The following ATP13A3 variants were observed in gnomAD, a reference collection of about 807,000 sequenced individuals.
ATP13A3 encodes the protein polyamine-transporting ATPase 13A3.
In ATP13A3, 59 loss-of-function variants were observed where a neutral mutation model predicts 158.1. The ratio of observed to expected loss-of-function variants is 0.37; its 90% confidence interval spans 0.30 to 0.46. ATP13A3 has a LOEUF of 0.46. Among genes scored for constraint, ATP13A3 ranks in the 20% least tolerant of loss-of-function variants. ATP13A3 has a pLI of 1.00. For synonymous variants in ATP13A3, 491 were observed against 504.3 expected, an observed-to-expected ratio of 0.97 and a Z score of 0.35; for missense variants, 1,166 against 1,525.2, an observed-to-expected ratio of 0.76 and a Z score of 3.92.
intron 30 of ATP13A3, among the ~76,000 whole-genome samples, chr3:194,423,762 AC>A (rs1716558944): frequency 6.6e-6 from 1 of 152,190 alleles, no homozygotes. Context: ...AATTTCTTAA[AC>A]CTTTTTTAAT....
Position 194,486,783 on chromosome 3 carries a change from T to TCTC in ATP13A3, c.-309_-307dup, listed in dbSNP as rs886246342. The TCTC allele has an allele frequency of 6.0e-5, 9 of 149,666 alleles. No homozygotes were observed. The highest frequency in any genetic ancestry group is 2.2e-4 in the African/African-American group (9 of 40,740). 9.3% of individuals were successfully genotyped at this position (149,666 alleles called of 1,614,324 possible). ...CGGGCCGGCCCTGGGACGTCCGCGC[T>TCTC]CTCCTCCTCCTCCGCGCCCGCGGCG... On this transcript the variant is annotated 5_prime_UTR_variant, in exon 1 of 34. Coordinates refer to ENST00000645319, the MANE Select transcript of ATP13A3 (RefSeq NM_001367549.1).
At chr3:194,421,132 A>AGTT (rs1250700453) in intron 30 of ATP13A3, among the ~76,000 whole-genome samples, 1 of 16,148 alleles carries the variant, frequency 6.2e-5, no homozygotes, top group African/African-American at 5.0e-4. Flanking sequence ...ATATATATAT[A>AGTT]TATAGTATAT....
chr3:194,428,313 GCTC>G (rs1716967291), intron 28 of ATP13A3, among the ~76,000 whole-genome samples: 3 of 151,750 alleles, frequency 2.0e-5, no homozygotes, highest in Admixed American at 6.6e-5. Context: ...TGAAAATCCT[GCTC>G]CTCATCAAAC....
intron 2 of ATP13A3, among the ~76,000 whole-genome samples, chr3:194,473,055 G>A (rs529117469): frequency 6.6e-6 from 1 of 152,264 alleles, no homozygotes; most frequent in East Asian, 1.9e-4. Context: ...TTACTACCTG[G>A]TTGATGGGAT....
At chr3:194,461,196 T>C (rs1372297719) in intron 3 of ATP13A3, among the ~76,000 whole-genome samples, 1 of 152,190 alleles carries the variant, frequency 6.6e-6, no homozygotes, top group Non-Finnish European at 1.5e-5. Flanking sequence ...TGGGCTTTTT[T>C]TTTAAATAAA....
At chr3:194,435,724 T>C (rs1162502549) in intron 20 of ATP13A3, among the ~76,000 whole-genome samples, 3 of 152,042 alleles carry the variant, frequency 2.0e-5, no homozygotes, top group East Asian at 1.9e-4. Flanking sequence ...CTGGCCAACA[T>C]AGTGAAACCC....
intron 21 of ATP13A3, 63 bp downstream of exon 21, chr3:194,433,709 A>G: frequency 8.2e-6 from 13 of 1,585,696 alleles, no homozygotes; most frequent in Non-Finnish European, 1.1e-5. Flanking sequence ...TTATCCCTCA[A>G]TATAATATAA....
chr3:194,423,973 T>C (rs1277751690), intron 30 of ATP13A3, among the ~76,000 whole-genome samples: 1 of 151,894 alleles, frequency 6.6e-6, no homozygotes, highest in Non-Finnish European at 1.5e-5. Context: ...TTCCTAGATG[T>C]TTTCAGCTAC....
rs577407836 is a variant in ATP13A3 at position 194,450,169 on chromosome 3, T to C, written c.946A>G (p.Ile316Val). The C allele has an allele frequency of 1.2e-6, 2 of 1,614,044 alleles. No homozygotes were observed. The highest frequency in any genetic ancestry group is 3.3e-5 in the Admixed American group (2 of 60,022). ...CDAVLINGTC[I>V]VNESMLTGES... ...CCTGTTAACATGCTTTCGTTTACAATGCAGGTACCATTAATAAGCACAGCA... is the reference window on the plus strand; with the variant it reads ...CCTGTTAACATGCTTTCGTTTACAACGCAGGTACCATTAATAAGCACAGCA... The change falls in exon 11 of 34, where the codon ATT (isoleucine) becomes GTT (valine). Residue 316 changes from isoleucine (I) to valine (V), a missense_variant. Ile to Val is a conservative substitution (Grantham distance 29, BLOSUM62 3). Around this residue, in one of 3 missense-constraint regions of ATP13A3, gnomAD observed 997 missense variants for 1,341.2 expected, o/e 0.74. Transcript: ENST00000645319.
intron 20 of ATP13A3, among the ~76,000 whole-genome samples, chr3:194,435,004 G>A (rs1460444164): frequency 1.3e-5 from 2 of 152,124 alleles, no homozygotes; most frequent in Non-Finnish European, 2.9e-5. Flanking sequence ...TTCTCAATGG[G>A]GAAGGAGGAG....
Position 194,437,073 on chromosome 3 carries a change from T to G in ATP13A3, c.2120+22A>C, listed in dbSNP as rs770624663. 24 of 1,609,216 alleles carry G rather than the reference T, an allele frequency of 1.5e-5. 1 individual carries two copies. The Middle Eastern group carries it at 1.5e-3, about 99-fold the overall frequency. ...CCATAAATGATGATGACTGGGAAAC[T>G]AGGAAAGCCGTTCAACCTCACCTGC... On this transcript the variant is annotated intron_variant, in intron 20 of 33. Transcript: ENST00000645319.
intron 2 of ATP13A3, among the ~76,000 whole-genome samples, chr3:194,474,600 T>G (rs1415884834): frequency 2.0e-5 from 3 of 152,136 alleles, no homozygotes; most frequent in Non-Finnish European, 4.4e-5. Context: ...TAAGGTAAAG[T>G]TTTTGTTGAG....
chr3:194,493,868 A>G (rs1577103466), intron 2 of ATP13A3, among the ~76,000 whole-genome samples: 1 of 152,178 alleles, frequency 6.6e-6, no homozygotes, highest in Non-Finnish European at 1.5e-5. Flanking sequence ...AAGAAACTTT[A>G]CATATATGAT....
In ATP13A3 at chr3:194,468,393, A is replaced by AAAAAAAAAC. The variant is rs1206512679; in HGVS notation, c.-46-6158_-46-6157insGTTTTTTTT. Among the ~76,000 whole-genome samples, 9 of 145,670 alleles carry AAAAAAAAAC rather than the reference A, an allele frequency of 6.2e-5. 1 individual carries two copies. The highest frequency in any genetic ancestry group is 2.5e-4 in the African/African-American group (9 of 35,332). On this transcript the variant is annotated intron_variant, in intron 2 of 33. Transcript: ENST00000645319. ...TGATTTGCTGTGTGAGTTTAAAAAA[A>AAAAAAAAAC]AAAAAAAAAAAACAGTATGGGACAA...
intron 2 of ATP13A3, among the ~76,000 whole-genome samples, chr3:194,485,550 A>G (rs2109081836): frequency 6.6e-6 from 1 of 152,338 alleles, no homozygotes; most frequent in Non-Finnish European, 1.5e-5. Flanking sequence ...TTTATTTTGC[A>G]ATAATCTTTC....
At chr3:194,423,998 A>C (rs1450461361) in intron 30 of ATP13A3, among the ~76,000 whole-genome samples, 1 of 151,946 alleles carries the variant, frequency 6.6e-6, no homozygotes, top group African/African-American at 2.4e-5. Context: ...ACATGTGTTC[A>C]ACATTTCCTT....
rs148045846 is a variant in ATP13A3, at chr3:194,458,350, A to G, written c.479+1121T>C. Reference sequence around the variant, plus strand: ...GGGCCAGTGCCAAGTCAAAAAAAAAAAAAAATTTTTTTTTTAAACAAAATG... The same window carrying G: ...GGGCCAGTGCCAAGTCAAAAAAAAAGAAAAATTTTTTTTTTAAACAAAATG... On this transcript the variant is annotated intron_variant, in intron 6 of 33. Transcript: ENST00000645319. Among the ~76,000 whole-genome samples, 3 of 152,240 alleles carry G rather than the reference A, an allele frequency of 2.0e-5. No individual in the cohort carries two copies. In the East Asian group the frequency reaches 5.8e-4, roughly 29 times the overall value.
intron 30 of ATP13A3, among the ~76,000 whole-genome samples, chr3:194,421,943 G>GAAAAAAAAA (rs1400737766): frequency 4.3e-5 from 3 of 69,146 alleles, no homozygotes; most frequent in African/African-American, 2.3e-4. Flanking sequence ...TGTGTCGTTG[G>GAAAAAAAAA]CAAAAAAAAA....
At chr3:194,430,522 T>A (rs1271888159) in intron 24 of ATP13A3, among the ~76,000 whole-genome samples, 1 of 152,220 alleles carries the variant, frequency 6.6e-6, no homozygotes, top group African/African-American at 2.4e-5. Context: ...TAGGTTATTG[T>A]CCTATTTCTG....
Sources: gnomAD v4.1 joint callset for allele counts (sites outside exome capture counted in the v4.1 genomes callset) on GRCh38, gnomAD v4.1.1 for gene constraint, gnomAD v4.1.1 regional missense constraint, MANE v1.5 for transcripts, NCBI Gene and HGNC (gene_info 2026-07-23, HGNC 2026-07-21) for gene names.